The following SORCS2 variants were observed in gnomAD, a reference collection of about 807,000 sequenced individuals.
The protein encoded by SORCS2 is sortilin related VPS10 domain containing receptor 2.
Under a neutral mutation model 141.6 loss-of-function variants are expected in SORCS2, and 100 were observed. The observed-to-expected ratio is 0.71, with a 90% CI of 0.60 to 0.83. The LOEUF (loss-of-function observed/expected upper bound fraction) is 0.83. Among genes scored for constraint, SORCS2 ranks in the 40% least tolerant of loss-of-function variants. SORCS2 has a pLI of 0.00. For synonymous variants in SORCS2, 789 were observed against 676.9 expected (o/e 1.17, Z -2.57); for missense variants, 1,646 against 1,560.2 (o/e 1.05, Z -0.93).
intron 3 of SORCS2, among the ~76,000 whole-genome samples, chr4:7,578,987 A>T (rs892558205): frequency 1.3e-5 from 2 of 152,186 alleles, no homozygotes; most frequent in Non-Finnish European, 2.9e-5. Context: ...CCCCCTGCAC[A>T]CAAGTCTGTG....
intron 1 of SORCS2, among the ~76,000 whole-genome samples, chr4:7,235,740 C>G (rs1259744947): frequency 6.6e-6 from 1 of 152,194 alleles, no homozygotes; most frequent in Non-Finnish European, 1.5e-5. Context: ...CTATCCATGC[C>G]CACTCTGATG....
Position 7,403,997 on chromosome 4 carries a change from ATTTTTTTTTTTT to A in SORCS2, c.548+7647_548+7658del, listed in dbSNP as rs60403055. Among the ~76,000 whole-genome samples the A allele has an allele frequency of 5.8e-4, 11 of 18,982 alleles. No homozygotes were observed. In the East Asian group the frequency reaches 8.8e-3, roughly 15 times the overall value. The allele number at this position is 18,982 out of a possible 152,430, so 12.5% of individuals were successfully genotyped here. On this transcript the variant is annotated intron_variant, in intron 2 of 26. Transcript: ENST00000507866. Reference sequence around the variant, plus strand: ...TATATATATATATATATATATATATATTTTTTTTTTTTTTTTAGTATCCATTTATGAGTGAGA... The same window carrying A: ...TATATATATATATATATATATATATATTTTAGTATCCATTTATGAGTGAGA...
At chr4:7,535,953 G>A (rs530737022) in intron 3 of SORCS2, among the ~76,000 whole-genome samples, 2 of 152,346 alleles carry the variant, frequency 1.3e-5, no homozygotes, top group South Asian at 4.1e-4. Context: ...TGGGAACCGG[G>A]GCAGCGATTT....
intron 3 of SORCS2, among the ~76,000 whole-genome samples, chr4:7,577,788 C>T (rs1464366770): frequency 6.8e-6 from 1 of 146,882 alleles, no homozygotes; most frequent in Non-Finnish European, 1.5e-5. Flanking sequence ...CAGCTAGTGC[C>T]ATGGTTTGGG....
chr4:7,248,018 G>A (rs1205994835), intron 1 of SORCS2, among the ~76,000 whole-genome samples: 4 of 152,206 alleles, frequency 2.6e-5, no homozygotes, highest in African/African-American at 7.2e-5. Context: ...GGGTGTCAAG[G>A]GAGCAGGGTG....
chr4:7,677,018 C>CCT (rs111328996), intron 9 of SORCS2, among the ~76,000 whole-genome samples: 3 of 146,652 alleles, frequency 2.0e-5, no homozygotes, highest in Non-Finnish European at 1.5e-5. Flanking sequence ...GTGAAGTTGG[C>CCT]CTCTCTCTCT....
chr4:7,373,483 T>TTTG (rs1560228544), intron 1 of SORCS2, among the ~76,000 whole-genome samples: 6 of 32,588 alleles, frequency 1.8e-4, no homozygotes, highest in African/African-American at 3.7e-4. Flanking sequence ...TATATATTTT[T>TTTG]TTTTTTTTTT....
chr4:7,490,023 C>G (rs1731222720), intron 2 of SORCS2, among the ~76,000 whole-genome samples: 1 of 152,166 alleles, frequency 6.6e-6, no homozygotes, highest in African/African-American at 2.4e-5. Flanking sequence ...AGAAAGATCT[C>G]CAGACAACAG....
chr4:7,463,605 G>A (rs1374278141), intron 2 of SORCS2, among the ~76,000 whole-genome samples: 1 of 152,172 alleles, frequency 6.6e-6, no homozygotes, highest in Non-Finnish European at 1.5e-5. Flanking sequence ...AATCAACGCT[G>A]GAGGCTGGCA....
rs181326791 is a variant in SORCS2 at position 7,206,491 on chromosome 4, C to T, written c.480+13365C>T. Reference sequence around the variant, plus strand: ...GCTCCCTGGCCCACTGCCGGCTCCACGAGTAACCTGGGAAGCTCTTTAACG... The same window carrying T: ...GCTCCCTGGCCCACTGCCGGCTCCATGAGTAACCTGGGAAGCTCTTTAACG... On this transcript the variant is annotated intron_variant, in intron 1 of 26. Transcript: ENST00000507866. 6.9e-4 allele frequency among the ~76,000 whole-genome samples: 105 copies of T among 152,316 alleles called. 2 individuals carry two copies. Among genetic ancestry groups the T allele is most frequent in the Admixed American group, 6.5e-3 (100 of 15,308 alleles).
In SORCS2 at chr4:7,495,410, C is replaced by A. The variant is rs1029691950; in HGVS notation, c.549-36120C>A. ...TGGGTGCAAATCTCTGCCTCCCCCA[C>A]CAGCTGTGTGTCCTCCGGCAGCTCT... On this transcript the variant is annotated intron_variant, in intron 2 of 26. Transcript: ENST00000507866. 2.0e-5 allele frequency among the ~76,000 whole-genome samples: 3 copies of A among 152,358 alleles called. No individual in the cohort carries two copies. The South Asian group carries it at 6.2e-4, about 32-fold the overall frequency.
intron 10 of SORCS2, 27 bp downstream of exon 10, chr4:7,682,916 C>A (rs746287514): frequency 2.2e-5 from 36 of 1,605,176 alleles, no homozygotes; most frequent in Non-Finnish European, 2.6e-5. Context: ...ACATCACACA[C>A]CATCCTTGGC....
In SORCS2 at chr4:7,457,412, C is replaced by G. The variant is rs543254412; in HGVS notation, c.548+61057C>G. ...GAGCCGCGTGCCCCAGTGAACATCG[C>G]AAGCTGGCAGGTGTGAGCTGCAGCC... is the stretch of plus-strand genomic sequence containing the variant. On this transcript the variant is annotated intron_variant, in intron 2 of 26. Coordinates refer to ENST00000507866, the MANE Select transcript of SORCS2 (RefSeq NM_020777.3). Among the ~76,000 whole-genome samples, 349 of 152,238 alleles carry G rather than the reference C, an allele frequency of 2.3e-3. 3 individuals are homozygous for G. Among genetic ancestry groups the G allele is most frequent in the Non-Finnish European group, 4.2e-3 (285 of 68,000 alleles).
At chr4:7,446,022 T>A (rs1229040128) in intron 2 of SORCS2, among the ~76,000 whole-genome samples, 2 of 152,114 alleles carry the variant, frequency 1.3e-5, no homozygotes, top group Non-Finnish European at 2.9e-5. Flanking sequence ...TTTCCTTCCT[T>A]CTCTCCCTCT....
At chr4:7,325,498 G>T (rs2108954597) in intron 1 of SORCS2, among the ~76,000 whole-genome samples, 1 of 152,316 alleles carries the variant, frequency 6.6e-6, no homozygotes, top group Non-Finnish European at 1.5e-5. Context: ...GAAAACTGTT[G>T]GTCTCACACA....
chr4:7,226,088 G>T (rs1728974614), intron 1 of SORCS2, among the ~76,000 whole-genome samples: 1 of 152,184 alleles, frequency 6.6e-6, no homozygotes, highest in South Asian at 2.1e-4. Context: ...CCCCAAAGCA[G>T]CCTCTATAGC....
chr4:7,338,575 G>A (rs1389248577), intron 1 of SORCS2, among the ~76,000 whole-genome samples: 1 of 152,144 alleles, frequency 6.6e-6, no homozygotes. Context: ...GCCAGGGTGG[G>A]GCTGGCTAAG....
At chr4:7,251,168 T>C (rs1407053155) in intron 1 of SORCS2, among the ~76,000 whole-genome samples, 1 of 152,164 alleles carries the variant, frequency 6.6e-6, no homozygotes, top group Non-Finnish European at 1.5e-5. Flanking sequence ...ATATATGACT[T>C]TGCATCATGG....
chr4:7,560,866 C>T (rs1714485478), intron 3 of SORCS2, among the ~76,000 whole-genome samples: 1 of 152,150 alleles, frequency 6.6e-6, no homozygotes, highest in Non-Finnish European at 1.5e-5. Flanking sequence ...TCCCTATCGA[C>T]AGAGGTTCCT....
Sources: gnomAD v4.1 joint callset for allele counts (sites outside exome capture counted in the v4.1 genomes callset) on GRCh38, gnomAD v4.1.1 for gene constraint, MANE v1.5 for transcripts, NCBI Gene and HGNC (gene_info 2026-07-23, HGNC 2026-07-21) for gene names.